LGR5: variants seen among roughly 807,000 people sequenced by gnomAD.
The protein encoded by LGR5 is leucine-rich repeat-containing G protein-coupled receptor 5.
In LGR5, 54 loss-of-function variants were observed where a neutral mutation model predicts 76.7. That is an observed-to-expected ratio of 0.70 (90% CI 0.57 to 0.88). The LOEUF is 0.88. Ranked by LOEUF, LGR5 falls within the 40% of genes least tolerant of loss-of-function variation. The pLI is 0.00. For synonymous variants in LGR5, 406 were observed against 421.9 expected (o/e 0.96, Z 0.46); for missense variants, 1,078 against 1,073.3 (o/e 1.00, Z -0.06).
Position 71,535,185 on chromosome 12 carries a change from CT to C in LGR5, c.428del (p.Leu143ArgfsTer22). On this transcript the variant is annotated frameshift_variant and splice_region_variant, in exon 4 of 18. Transcript: ENST00000266674. LOFTEE classifies it high-confidence loss of function. ...ALQNLRSLQS[L>X]RLDANHISYV... ...GCAGAATTTGCGAAGCCTTCAATCC[CT>C]GTAAGTATAGTAGACATTGCAAAAT... is the stretch of plus-strand genomic sequence containing the variant. 3 of 1,593,158 alleles carry C rather than the reference CT, an allele frequency of 1.9e-6. No individual in the cohort carries two copies. The highest frequency in any genetic ancestry group is 2.6e-6 in the Non-Finnish European group (3 of 1,161,532).
At chr12:71,516,394 C>G in intron 2 of LGR5, among the ~76,000 whole-genome samples, 1 of 152,036 alleles carries the variant, frequency 6.6e-6, no homozygotes, top group Non-Finnish European at 1.5e-5. Context: ...CTAGCCAGGC[C>G]CCCTCGCTTA....
intron 8 of LGR5, among the ~76,000 whole-genome samples, chr12:71,566,142 T>C (rs1878329167): frequency 6.6e-6 from 1 of 152,170 alleles, no homozygotes; most frequent in African/African-American, 2.4e-5. Context: ...TACTTGCTTT[T>C]CTCCTTAGTA....
At position 71,440,234 on chromosome 12, in the gene LGR5, T is replaced by A; in HGVS notation, c.154T>A (p.Cys52Ser). ...CGGCAGGATGTTGCTCAGGGTGGAC[T>A]GCTCCGACCTGGGGCTCTCGGAGCT... is the stretch of plus-strand genomic sequence containing the variant. ...PDGRMLLRVD[C>S]SDLGLSELPS... The change falls in exon 1 of 18, where the codon TGC (cysteine) becomes AGC (serine). Residue 52 changes from cysteine to serine, a missense_variant. Cys to Ser is a moderately radical substitution (Grantham distance 112). Coordinates refer to ENST00000266674, the MANE Select transcript of LGR5 (RefSeq NM_003667.4). This position sits in a 1 kb window ranked among gnomAD's most constrained non-coding sequence, Gnocchi z 5.3. 1 of 1,613,384 alleles carries A rather than the reference T, an allele frequency of 6.2e-7. No individual in the cohort carries two copies. Among genetic ancestry groups the A allele is most frequent in the Non-Finnish European group, 8.5e-7 (1 of 1,179,928 alleles).
intron 1 of LGR5, among the ~76,000 whole-genome samples, chr12:71,484,258 G>T (rs1364799794): frequency 1.3e-5 from 2 of 152,162 alleles, no homozygotes; most frequent in African/African-American, 2.4e-5. Flanking sequence ...CTTTTCTGAT[G>T]ATTTTAATAA....
At chr12:71,444,498 A>T (rs1231345915) in intron 1 of LGR5, among the ~76,000 whole-genome samples, 1 of 152,126 alleles carries the variant, frequency 6.6e-6, no homozygotes, top group African/African-American at 2.4e-5. Context: ...TATATTTAAC[A>T]TATGCATGGC....
intron 3 of LGR5, among the ~76,000 whole-genome samples, chr12:71,534,261 C>A (rs1876472126): frequency 6.6e-6 from 1 of 152,160 alleles, no homozygotes; most frequent in Admixed American, 6.5e-5. Flanking sequence ...TGTTTCCATG[C>A]TATTTCCTCA....
chr12:71,494,004 C>T (rs1026631167), intron 1 of LGR5, among the ~76,000 whole-genome samples: 1 of 144,950 alleles, frequency 6.9e-6, no homozygotes, highest in Non-Finnish European at 1.5e-5. Flanking sequence ...AGTGTAGTGG[C>T]GTGATCTCGG....
At chr12:71,494,294 T>C (rs1323515322) in intron 1 of LGR5, among the ~76,000 whole-genome samples, 3 of 150,510 alleles carry the variant, frequency 2.0e-5, no homozygotes, top group Non-Finnish European at 4.4e-5. Flanking sequence ...CCCAGGCTTG[T>C]CTTGAACTCC....
chr12:71,532,959 A>G (rs1876398877), intron 3 of LGR5, among the ~76,000 whole-genome samples: 1 of 152,182 alleles, frequency 6.6e-6, no homozygotes, highest in African/African-American at 2.4e-5. Context: ...CTAAAGGCTG[A>G]GGCGGGAGGA....
Position 71,494,378 on chromosome 12 carries a change from G to A in LGR5, c.213-10236G>A, listed in dbSNP as rs555520873. 3.0e-4 allele frequency among the ~76,000 whole-genome samples: 45 copies of A among 150,758 alleles called. 2 individuals are homozygous for A. Among genetic ancestry groups the A allele is most frequent in the African/African-American group, 7.9e-4 (32 of 40,258 alleles). ...CAAGCATGAACCACTGAACCACTGC[G>A]CCTGGCTTGAGTAAAGAGTCTTTTA... On this transcript the variant is annotated intron_variant, in intron 1 of 17. Transcript: ENST00000266674.
intron 1 of LGR5, among the ~76,000 whole-genome samples, chr12:71,500,165 A>G: frequency 6.6e-6 from 1 of 152,162 alleles, no homozygotes; most frequent in East Asian, 1.9e-4. Flanking sequence ...AAATGAAAAA[A>G]AAAATAGAGC....
intron 4 of LGR5, among the ~76,000 whole-genome samples, chr12:71,545,117 CAAAATAAAAATA>C (rs66620567): frequency 1.6e-4 from 24 of 150,358 alleles, no homozygotes; most frequent in Admixed American, 8.6e-4. Context: ...ACAAAAGTAA[CAAAATAAAAATA>C]AAAATAAAAA....
chr12:71,557,281 T>A (rs1877819896), intron 6 of LGR5, among the ~76,000 whole-genome samples: 1 of 152,100 alleles, frequency 6.6e-6, no homozygotes. Context: ...CAAGACCTTG[T>A]CTCAAAAAAA....
chr12:71,579,181 A>C (rs992901190), intron 15 of LGR5, among the ~76,000 whole-genome samples: 1 of 152,226 alleles, frequency 6.6e-6, no homozygotes, highest in South Asian at 2.1e-4. Flanking sequence ...GTTTGAAAAC[A>C]ATTGATCCAT....
intron 1 of LGR5, among the ~76,000 whole-genome samples, chr12:71,491,103 T>G (rs936630279): frequency 6.6e-6 from 1 of 152,204 alleles, no homozygotes; most frequent in Admixed American, 6.5e-5. Context: ...ATGTAAGACA[T>G]GCCTTTGCTC....
chr12:71,537,583 T>A (rs934251491), intron 4 of LGR5, among the ~76,000 whole-genome samples: 1 of 152,186 alleles, frequency 6.6e-6, no homozygotes, highest in African/African-American at 2.4e-5. Flanking sequence ...TACCCATACA[T>A]ACACAAGGCC....
At chr12:71,464,762 T>A (rs1006169941) in intron 1 of LGR5, among the ~76,000 whole-genome samples, 1 of 152,196 alleles carries the variant, frequency 6.6e-6, no homozygotes, top group East Asian at 1.9e-4. Flanking sequence ...GATATTTAAT[T>A]TAAAATGTCT....
In LGR5 at chr12:71,505,739, T is replaced by C. The variant is rs1010663716; in HGVS notation, c.284+1054T>C. On this transcript the variant is annotated intron_variant, in intron 2 of 17. Coordinates refer to ENST00000266674, the MANE Select transcript of LGR5 (RefSeq NM_003667.4). ...TCTATATTTATTTTTGATGGCATTA[T>C]ATTTTATGAAATGCTATTGTTTTAC... Among the ~76,000 whole-genome samples, 3 of 152,218 alleles carry C rather than the reference T, an allele frequency of 2.0e-5. No homozygotes were observed. In the East Asian group the frequency reaches 5.8e-4, roughly 29 times the overall value.
intron 13 of LGR5, among the ~76,000 whole-genome samples, chr12:71,577,115 TAAGAA>T (rs577453586): frequency 3.0e-3 from 463 of 152,330 alleles, no homozygotes; most frequent in Non-Finnish European, 4.6e-3. Context: ...TTTCTACACT[TAAGAA>T]AAGTTGACTT....
Sources: allele counts gnomAD v4.1 joint callset (sites outside exome capture counted in the v4.1 genomes callset), GRCh38; gene constraint gnomAD v4.1.1; non-coding constraint Gnocchi (gnomAD v3.1); transcripts MANE v1.5; gene names NCBI Gene and HGNC (gene_info 2026-07-23, HGNC 2026-07-21).